The following WDCP variants were observed in gnomAD, a reference collection of about 807,000 sequenced individuals.
WDCP encodes the protein WD repeat and coiled-coil-containing protein.
A neutral mutation model predicts 41.6 loss-of-function variants in WDCP; 19 were observed. The ratio of observed to expected loss-of-function variants is 0.46; its 90% CI spans 0.32 to 0.67. WDCP has a LOEUF of 0.67. WDCP is among the 30% of genes least tolerant of loss of function. WDCP has a pLI of 0.04. For synonymous variants in WDCP, 302 were observed against 320.8 expected (o/e 0.94, Z 0.63); for missense variants, 802 against 850.7 (o/e 0.94, Z 0.71).
In WDCP at chr2:24,039,369, G is replaced by A. The variant is rs771796348; in HGVS notation, c.126C>T (p.His42=). ...NQVVLTDLRL[H]SGEVKFGDSK... ...AGTCCCCAAACTTGACCTCTCCACTGTGAAGCCGCAAATCAGTTAGGACAA... is the reference window on the plus strand; with the variant it reads ...AGTCCCCAAACTTGACCTCTCCACTATGAAGCCGCAAATCAGTTAGGACAA... The change falls in exon 2 of 4, where the codon CAC becomes CAT. Residue 42 remains histidine, a synonymous_variant. Transcript: ENST00000295148. 7 of 1,614,240 alleles carry A rather than the reference G, an allele frequency of 4.3e-6. No homozygotes were observed. Among genetic ancestry groups the A allele is most frequent in the Non-Finnish European group, 5.9e-6 (7 of 1,180,042 alleles).
Position 24,039,438 on chromosome 2 carries a change from T to C in WDCP, c.57A>G (p.Ala19=), listed in dbSNP as rs778289924. The change falls in exon 2 of 4, where the codon GCA becomes GCG. Residue 19 remains alanine (A), a synonymous_variant. Coordinates refer to ENST00000295148, the MANE Select transcript of WDCP (RefSeq NM_025203.3). ...AGGCAAGGCCATGGATCGGATGCAC[T>C]GCTTGATGCAACGCATTCAGTCCAG... ...LRTGLNALHQ[A]VHPIHGLAWT... 3.7e-6 allele frequency: 6 copies of C among 1,614,254 alleles called. No homozygotes were observed. Among genetic ancestry groups the C allele is most frequent in the Non-Finnish European group, 5.1e-6 (6 of 1,180,046 alleles).
chr2:24,032,104 G>A (rs552941073), intron 3 of WDCP, among the ~76,000 whole-genome samples: 3 of 152,340 alleles, frequency 2.0e-5, no homozygotes, highest in African/African-American at 7.2e-5. Context: ...GGGTGTGGTG[G>A]CTTATGCCAG....
Position 24,039,425 on chromosome 2 carries a change from G to A in WDCP, c.70C>T (p.His24Tyr). Residue 24 changes from histidine (H) to tyrosine (Y), a missense_variant, in exon 2 of 4, where the codon CAT (histidine) becomes TAT (tyrosine). Physicochemically the swap from His to Tyr is moderately conservative, Grantham distance 83 (BLOSUM62 2). This residue lies in a region of WDCP where 214 missense variants were observed against 252.9 expected (regional missense o/e 0.85). Transcript: ENST00000295148. Reference sequence around the variant, plus strand: ...TTCCCATCGGTCCAGGCAAGGCCATGGATCGGATGCACTGCTTGATGCAAC... The same window carrying A: ...TTCCCATCGGTCCAGGCAAGGCCATAGATCGGATGCACTGCTTGATGCAAC... ...NALHQAVHPI[H>Y]GLAWTDGNQV... The A allele has an allele frequency of 1.9e-6, 3 of 1,614,270 alleles. No homozygotes were observed. Among genetic ancestry groups the A allele is most frequent in the Non-Finnish European group, 2.5e-6 (3 of 1,180,046 alleles).
intron 3 of WDCP, 70 bp from the exon 4 acceptor site, chr2:24,031,232 A>AT (rs1208553944): frequency 5.2e-4 from 620 of 1,197,012 alleles, no homozygotes; most frequent in Non-Finnish European, 6.4e-4. Flanking sequence ...ATGACTACAA[A>AT]TTTTTTTTTC....
At chr2:24,039,849 G>C (rs1415056603) in intron 1 of WDCP, among the ~76,000 whole-genome samples, 2 of 151,932 alleles carry the variant, frequency 1.3e-5, no homozygotes, top group African/African-American at 4.8e-5. Context: ...TCAGGCTGAA[G>C]TGCAATGGCA....
intron 2 of WDCP, among the ~76,000 whole-genome samples, chr2:24,034,706 T>A (rs1009312860): frequency 4.0e-5 from 6 of 151,646 alleles, no homozygotes; most frequent in Non-Finnish European, 8.8e-5. Context: ...CCCAAGTAGC[T>A]GGGAAAACAG....
chr2:24,045,996 C>A (rs80034700), intron 1 of WDCP: 26,923 of 151,860 alleles, frequency 0.18, 3,382 homozygotes, highest in African/African-American at 0.35. Flanking sequence ...GCGTCCCACA[C>A]CTGCAGTCCT....
At chr2:24,032,766 G>T in intron 3 of WDCP, 63 bp downstream of exon 3, 1 of 920,102 alleles carries the variant, frequency 1.1e-6, no homozygotes, top group Non-Finnish European at 1.8e-6. Flanking sequence ...TACCGGCATA[G>T]TTAAAACAGA....
intron 1 of WDCP, among the ~76,000 whole-genome samples, chr2:24,040,883 G>A (rs540057606): frequency 2.0e-5 from 3 of 152,210 alleles, no homozygotes; most frequent in South Asian, 2.1e-4. Flanking sequence ...AAGTGTGGTG[G>A]TGCATGCCTA....
intron 1 of WDCP, among the ~76,000 whole-genome samples, chr2:24,042,831 C>T (rs1168831879): frequency 6.6e-6 from 1 of 151,610 alleles, no homozygotes; most frequent in African/African-American, 2.4e-5. Flanking sequence ...ATCAGGAGTT[C>T]GAGACCAGCC....
chr2:24,034,925 A>G (rs1663198809), intron 2 of WDCP, among the ~76,000 whole-genome samples: 1 of 151,980 alleles, frequency 6.6e-6, no homozygotes, highest in Admixed American at 6.6e-5. Flanking sequence ...TTTTACATTT[A>G]TAAGTGTTTT....
At chr2:24,039,555 A>ATTTGTCTAGATTT in intron 1 of WDCP, 43 bp from the exon 2 acceptor site, 2 of 1,553,802 alleles carry the variant, frequency 1.3e-6, no homozygotes, top group Middle Eastern at 1.7e-4. Flanking sequence ...AGAAATCTAG[A>ATTTGTCTAGATTT]CAAATCTAGA....
intron 1 of WDCP, among the ~76,000 whole-genome samples, chr2:24,042,366 T>A (rs1663470480): frequency 6.6e-6 from 1 of 151,808 alleles, no homozygotes; most frequent in Non-Finnish European, 1.5e-5. Context: ...TGAAACCCTG[T>A]CTCTACTAAA....
rs1663080503 is a variant in WDCP, at chr2:24,030,906, A to T, written c.*27T>A. The T allele has an allele frequency of 6.5e-7, 1 of 1,541,584 alleles. No homozygotes were observed. Among genetic ancestry groups the T allele is most frequent in the Non-Finnish European group, 9.0e-7 (1 of 1,115,752 alleles). On this transcript the variant is annotated 3_prime_UTR_variant, in exon 4 of 4. Coordinates refer to ENST00000295148, the MANE Select transcript of WDCP (RefSeq NM_025203.3). ...TTGTTTGTAATGGTCTCATCTGAAG[A>T]GCTACACAGCAAGGACACTGCAGAT...
At position 24,035,885 on chromosome 2, in the gene WDCP, AC is replaced by A. The variant is rs1242401801; in HGVS notation, c.1818+1791del. ...GGAGATTGAGCTCATCCTGGCCAAC[AC>A]GGTGAAACCCCGCCTCTACTAAGAA... is the stretch of plus-strand genomic sequence containing the variant. On this transcript the variant is annotated intron_variant, in intron 2 of 3. Transcript: ENST00000295148. 1.2e-4 allele frequency among the ~76,000 whole-genome samples: 18 copies of A among 151,568 alleles called. No homozygotes were observed. In the East Asian group the frequency reaches 2.5e-3, roughly 21 times the overall value.
At chr2:24,033,065 C>T in intron 2 of WDCP, 119 bp from the exon 3 acceptor site, 3 of 726,872 alleles carry the variant, frequency 4.1e-6, no homozygotes, top group Non-Finnish European at 7.5e-6. Flanking sequence ...CACTAATCAA[C>T]TGGACTTCAG....
intron 1 of WDCP, among the ~76,000 whole-genome samples, chr2:24,042,583 C>G (rs905670358): frequency 6.7e-6 from 1 of 150,064 alleles, no homozygotes; most frequent in Non-Finnish European, 1.5e-5. Flanking sequence ...GTGGCGCATG[C>G]CTGTAATCCC....
chr2:24,043,926 G>T (rs1398159168), intron 1 of WDCP, among the ~76,000 whole-genome samples: 1 of 151,580 alleles, frequency 6.6e-6, no homozygotes, highest in Non-Finnish European at 1.5e-5. Flanking sequence ...TATATATGAT[G>T]TCAGATTCAG....
chr2:24,030,073 G>C lies in WDCP; in HGVS notation c.*860C>G, dbSNP rs1452699720. The C allele has an allele frequency of 6.6e-6, 1 of 152,330 alleles. No individual in the cohort carries two copies. The highest frequency in any genetic ancestry group is 2.4e-5 in the African/African-American group (1 of 41,384). 9.4% of individuals were successfully genotyped at this position (152,330 alleles called of 1,614,324 possible). A position where few individuals can be genotyped will look rare whatever the true frequency, so the allele number is the denominator to read the frequency against. Reference sequence around the variant, plus strand: ...TAAAAATATCAAATTAAAGTGACAAGTTAACTAAGGGAGCTGACTACTGGG... The same window carrying C: ...TAAAAATATCAAATTAAAGTGACAACTTAACTAAGGGAGCTGACTACTGGG... On this transcript the variant is annotated 3_prime_UTR_variant, in exon 4 of 4. Coordinates refer to ENST00000295148, the MANE Select transcript of WDCP (RefSeq NM_025203.3).
Sources: gnomAD v4.1 joint callset for allele counts (sites outside exome capture counted in the v4.1 genomes callset) on GRCh38, gnomAD v4.1.1 for gene constraint, gnomAD v4.1.1 regional missense constraint, MANE v1.5 for transcripts, NCBI Gene and HGNC (gene_info 2026-07-23, HGNC 2026-07-21) for gene names.